Variants in CLVS1 observed in about 807,000 individuals in gnomAD.
CLVS1 encodes the protein clavesin-1.
Under a neutral mutation model 33.1 loss-of-function variants are expected in CLVS1, and 10 were observed. The ratio of observed to expected loss-of-function variants is 0.30; its 90% CI spans 0.19 to 0.51. The LOEUF (loss-of-function observed/expected upper bound fraction) is 0.51. Ranked by LOEUF, CLVS1 falls within the 20% of genes least tolerant of loss-of-function variation. The probability of loss-of-function intolerance (pLI) is 0.97; values close to 1 mark genes in which losing one functional copy is unlikely to be tolerated. For missense variants in CLVS1, 343 were observed against 433.4 expected (o/e 0.79, Z 1.85); for synonymous variants, 163 against 166.1 (o/e 0.98, Z 0.14).
chr8:61,098,625 G>C (rs1333417759), intron 1 of CLVS1, among the ~76,000 whole-genome samples: 1 of 152,094 alleles, frequency 6.6e-6, no homozygotes, highest in Non-Finnish European at 1.5e-5. Flanking sequence ...CTCCTGGGAG[G>C]TGGATTGGAG....
At chr8:61,123,929 T>G (rs1470483325) in intron 1 of CLVS1, among the ~76,000 whole-genome samples, 2 of 152,212 alleles carry the variant, frequency 1.3e-5, no homozygotes, top group Non-Finnish European at 2.9e-5. Context: ...TTTCTTTTAG[T>G]ACCAAACATA....
chr8:61,033,526 A>AT, the CLVS1 span, among the ~76,000 whole-genome samples: 1 of 152,150 alleles, frequency 6.6e-6, no homozygotes, highest in African/African-American at 2.4e-5. Flanking sequence ...TTACTGGGTG[A>AT]GGGGGGAAAC....
At chr8:61,462,512 G>A (rs1439186332) in intron 5 of CLVS1, among the ~76,000 whole-genome samples, 1 of 152,110 alleles carries the variant, frequency 6.6e-6, no homozygotes, top group Admixed American at 6.6e-5. Flanking sequence ...AGCCTCCTGA[G>A]CTGAAATGTA....
chr8:61,402,819 A>C (rs1201414918), intron 3 of CLVS1, among the ~76,000 whole-genome samples: 1 of 152,228 alleles, frequency 6.6e-6, no homozygotes, highest in Admixed American at 6.5e-5. Flanking sequence ...CTATCCTAGC[A>C]GTGCTGTGAA....
intron 2 of CLVS1, among the ~76,000 whole-genome samples, chr8:61,159,876 C>A (rs1254226027): frequency 6.6e-6 from 1 of 152,214 alleles, no homozygotes; most frequent in East Asian, 1.9e-4. Flanking sequence ...ATTGTCTACA[C>A]CCAGGAAAGG....
intron 3 of CLVS1, among the ~76,000 whole-genome samples, chr8:61,446,723 GGAGT>G (rs1816768692): frequency 6.6e-6 from 1 of 152,044 alleles, no homozygotes; most frequent in Admixed American, 6.5e-5. Flanking sequence ...GCCACATTAA[GGAGT>G]AAGTTTCAAC....
intron 3 of CLVS1, among the ~76,000 whole-genome samples, chr8:61,390,798 A>G (rs1052403218): frequency 1.3e-5 from 2 of 152,220 alleles, no homozygotes; most frequent in African/African-American, 4.8e-5. Flanking sequence ...GGAAATTAAC[A>G]TTTTATCTCA....
At chr8:61,386,376 T>C (rs893866) in intron 3 of CLVS1, among the ~76,000 whole-genome samples, 2,723 of 152,330 alleles carry the variant, frequency 0.018, 85 homozygotes, top group African/African-American at 0.061. Context: ...TCTGTAATTT[T>C]ACCTATACAG....
intron 5 of CLVS1, among the ~76,000 whole-genome samples, chr8:61,461,608 T>C (rs1327297613): frequency 2.0e-5 from 3 of 152,234 alleles, no homozygotes; most frequent in African/African-American, 7.2e-5. Flanking sequence ...TTTTAGAACA[T>C]GGATATACCA....
chr8:61,221,212 A>C (rs2129309704), intron 2 of CLVS1, among the ~76,000 whole-genome samples: 1 of 152,230 alleles, frequency 6.6e-6, no homozygotes, highest in Admixed American at 6.5e-5. Context: ...CAGCACTTCC[A>C]ATTCTATGTT....
At chr8:61,119,451 C>T (rs1805810923) in intron 1 of CLVS1, among the ~76,000 whole-genome samples, 1 of 147,862 alleles carries the variant, frequency 6.8e-6, no homozygotes, top group South Asian at 2.3e-4. Context: ...TTAGTTGATG[C>T]AGTTTCTTCC....
the CLVS1 span, among the ~76,000 whole-genome samples, chr8:60,970,577 T>A: frequency 6.6e-6 from 1 of 152,234 alleles, no homozygotes; most frequent in Non-Finnish European, 1.5e-5. Context: ...GCAAATAATT[T>A]CTCTGAATTT....
intron 1 of CLVS1, among the ~76,000 whole-genome samples, chr8:61,097,158 G>C (rs1805366197): frequency 6.6e-6 from 1 of 151,540 alleles, no homozygotes; most frequent in Non-Finnish European, 1.5e-5. Context: ...CCAGGAGTTT[G>C]AGATCAGCCT....
intron 5 of CLVS1, among the ~76,000 whole-genome samples, chr8:61,474,188 A>G (rs936181288): frequency 2.0e-5 from 3 of 152,176 alleles, no homozygotes; most frequent in Non-Finnish European, 4.4e-5. Context: ...GAGGTAAACT[A>G]GATGTGGTGT....
At chr8:61,119,991 C>G (rs1805822177) in intron 1 of CLVS1, among the ~76,000 whole-genome samples, 1 of 145,418 alleles carries the variant, frequency 6.9e-6, no homozygotes, top group Non-Finnish European at 1.5e-5. Flanking sequence ...TCCATTCTCC[C>G]CATCACTTTC....
the CLVS1 span, among the ~76,000 whole-genome samples, chr8:61,034,724 G>GAGTTTTT: frequency 1.3e-5 from 2 of 152,170 alleles, no homozygotes; most frequent in East Asian, 1.9e-4. Context: ...CTCTGAGTGA[G>GAGTTTTT]ATTTTATTTT....
chr8:61,404,459 T>G, intron 3 of CLVS1, among the ~76,000 whole-genome samples: 1 of 152,212 alleles, frequency 6.6e-6, no homozygotes. Flanking sequence ...TGGGAACTTT[T>G]TTTCAAAAGT....
intron 2 of CLVS1, among the ~76,000 whole-genome samples, chr8:61,143,430 T>C (rs1806349489): frequency 6.6e-6 from 1 of 152,178 alleles, no homozygotes; most frequent in African/African-American, 2.4e-5. Context: ...AGATTTAAGA[T>C]GCTAATGAGA....
At chr8:61,233,475 T>TA (rs1412254211) in intron 2 of CLVS1, among the ~76,000 whole-genome samples, 4 of 138,414 alleles carry the variant, frequency 2.9e-5, no homozygotes, top group Non-Finnish European at 4.5e-5. Flanking sequence ...TAGCTTTTTG[T>TA]AACATTTGGT....
Sources: gnomAD v4.1 joint callset for allele counts (sites outside exome capture counted in the v4.1 genomes callset) on GRCh38, gnomAD v4.1.1 for gene constraint, MANE v1.5 for transcripts, NCBI Gene and HGNC (gene_info 2026-07-23, HGNC 2026-07-21) for gene names.